BRINP3: variants seen among roughly 807,000 people sequenced by gnomAD.
BRINP3 encodes the protein BMP/retinoic acid-inducible neural-specific protein 3.
In BRINP3, 19 loss-of-function variants were observed where a neutral mutation model predicts 71.0. The ratio of observed to expected loss-of-function variants is 0.27; its 90% CI spans 0.19 to 0.39. The LOEUF is 0.39. BRINP3 is among the 10% of genes least tolerant of loss of function. The pLI is 1.00. For synonymous variants in BRINP3, 380 were observed against 337.7 expected, an observed-to-expected ratio of 1.13 and a Z score of -1.37; for missense variants, 959 against 940.8, an observed-to-expected ratio of 1.02 and a Z score of -0.25.
At chr1:190,440,429 C>T (rs12095592) in intron 2 of BRINP3, among the ~76,000 whole-genome samples, 25,517 of 151,804 alleles carry the variant, frequency 0.17, 2,205 homozygotes, top group South Asian at 0.21. Context: ...GTCCGTTCTA[C>T]GGCATATTTA....
chr1:190,250,942 C>G (rs1035030445), intron 4 of BRINP3, among the ~76,000 whole-genome samples: 6 of 151,822 alleles, frequency 4.0e-5, no homozygotes, highest in Non-Finnish European at 7.4e-5. Flanking sequence ...CTTAACTTGG[C>G]ATGGTGGCTT....
At chr1:190,189,511 A>T (rs954585098) in intron 6 of BRINP3, among the ~76,000 whole-genome samples, 4 of 151,338 alleles carry the variant, frequency 2.6e-5, no homozygotes, top group Non-Finnish European at 3.0e-5. Context: ...TAAATTTACA[A>T]TTTTTTCTGC....
chr1:190,166,782 G>A (rs1651580576), intron 6 of BRINP3, among the ~76,000 whole-genome samples: 1 of 152,020 alleles, frequency 6.6e-6, no homozygotes, highest in Admixed American at 6.6e-5. Context: ...GGAGTCCAGT[G>A]GGATGATTTC....
chr1:190,423,264 C>T (rs1443505318), intron 2 of BRINP3, among the ~76,000 whole-genome samples: 1 of 151,684 alleles, frequency 6.6e-6, no homozygotes, highest in Admixed American at 6.6e-5. Flanking sequence ...TTACCTCTTA[C>T]TTTATGACAG....
intron 6 of BRINP3, among the ~76,000 whole-genome samples, chr1:190,210,592 G>T (rs1306272220): frequency 6.6e-6 from 1 of 152,014 alleles, no homozygotes; most frequent in Non-Finnish European, 1.5e-5. Context: ...GAAGACTATG[G>T]CAGGGCAGTC....
chr1:190,456,517 A>G (rs1412395354), intron 1 of BRINP3, among the ~76,000 whole-genome samples: 1 of 152,218 alleles, frequency 6.6e-6, no homozygotes, highest in South Asian at 2.1e-4. Context: ...ATATAAATGT[A>G]CCATTGTCAA....
chr1:190,152,490 A>AT (rs1656482940), intron 7 of BRINP3, among the ~76,000 whole-genome samples: 1 of 147,770 alleles, frequency 6.8e-6, no homozygotes, highest in East Asian at 2.0e-4. Context: ...ATACATGCAC[A>AT]AATATATATA....
chr1:190,320,371 A>AT (rs1425020082), intron 2 of BRINP3, among the ~76,000 whole-genome samples: 3 of 152,144 alleles, frequency 2.0e-5, no homozygotes, highest in African/African-American at 7.2e-5. Context: ...CACAATGAAC[A>AT]TTGTTAGGAG....
At chr1:190,206,287 G>C (rs1019322135) in intron 6 of BRINP3, among the ~76,000 whole-genome samples, 11 of 151,966 alleles carry the variant, frequency 7.2e-5, no homozygotes, top group Non-Finnish European at 1.5e-4. Flanking sequence ...TGCTTGAGTA[G>C]TTTATGACAG....
Position 190,313,932 on chromosome 1 carries a change from G to T in BRINP3, c.237-32182C>A, listed in dbSNP as rs528363269. On this transcript the variant is annotated intron_variant, in intron 2 of 7. Coordinates refer to ENST00000367462, the MANE Select transcript of BRINP3 (RefSeq NM_199051.3). ...TTCAAAATTAGAAAAACTACAAATA[G>T]GTATTTTAATGTCTTGACTAATCTT... is the stretch of plus-strand genomic sequence containing the variant. Among the ~76,000 whole-genome samples the T allele has an allele frequency of 1.4e-4, 21 of 151,946 alleles. No individual in the cohort carries two copies. In the South Asian group the frequency reaches 4.4e-3, roughly 32 times the overall value.
At chr1:190,226,841 A>G (rs1015851543) in intron 5 of BRINP3, among the ~76,000 whole-genome samples, 2 of 151,988 alleles carry the variant, frequency 1.3e-5, no homozygotes, top group South Asian at 2.1e-4. Context: ...ATATAATTCT[A>G]TTTTTCAAGA....
chr1:190,234,898 C>A (rs1408412897), intron 4 of BRINP3, among the ~76,000 whole-genome samples: 1 of 152,102 alleles, frequency 6.6e-6, no homozygotes, highest in African/African-American at 2.4e-5. Flanking sequence ...TTATTATTTT[C>A]TTTTACTTAA....
chr1:190,162,357 T>G (rs1382591240), intron 6 of BRINP3, among the ~76,000 whole-genome samples: 2 of 152,014 alleles, frequency 1.3e-5, no homozygotes, highest in Admixed American at 6.6e-5. Flanking sequence ...TACTTTTTTG[T>G]AATTTTTTAG....
intron 2 of BRINP3, among the ~76,000 whole-genome samples, chr1:190,378,993 C>G (rs1180451): frequency 6.6e-6 from 1 of 151,998 alleles, no homozygotes; most frequent in Non-Finnish European, 1.5e-5. Flanking sequence ...AGAAATCTCA[C>G]GTCTTCCTTC....
intron 2 of BRINP3, among the ~76,000 whole-genome samples, chr1:190,349,094 T>C (rs1026791681): frequency 6.6e-6 from 1 of 151,450 alleles, no homozygotes; most frequent in Non-Finnish European, 1.5e-5. Flanking sequence ...CATGGGATCA[T>C]AAATTAAACA....
intron 2 of BRINP3, among the ~76,000 whole-genome samples, chr1:190,324,947 A>G (rs914304136): frequency 2.6e-5 from 4 of 151,922 alleles, no homozygotes; most frequent in Non-Finnish European, 5.9e-5. Flanking sequence ...CGATAAACAA[A>G]AATCTAATAA....
At chr1:190,362,675 C>A (rs1403341025) in intron 2 of BRINP3, among the ~76,000 whole-genome samples, 1 of 152,118 alleles carries the variant, frequency 6.6e-6, no homozygotes, top group Non-Finnish European at 1.5e-5. Context: ...TTGATTCCCC[C>A]ATAGTGTTCT....
intron 5 of BRINP3, among the ~76,000 whole-genome samples, chr1:190,227,495 A>T (rs1454909399): frequency 6.6e-6 from 1 of 151,858 alleles, no homozygotes; most frequent in Admixed American, 6.6e-5. Context: ...GTGACTGAGA[A>T]ATTTATTTGT....
chr1:190,166,747 G>C (rs1268824189), intron 6 of BRINP3, among the ~76,000 whole-genome samples: 1 of 151,848 alleles, frequency 6.6e-6, no homozygotes, highest in Non-Finnish European at 1.5e-5. Flanking sequence ...TTTTTAAGAT[G>C]GGGTCTCACT....
Sources: allele counts gnomAD v4.1 joint callset (sites outside exome capture counted in the v4.1 genomes callset), GRCh38; gene constraint gnomAD v4.1.1; transcripts MANE v1.5; gene names NCBI Gene and HGNC (gene_info 2026-07-23, HGNC 2026-07-21).